Variants in ZNF451 observed in about 807,000 individuals in gnomAD.
ZNF451 encodes the protein E3 SUMO-protein ligase ZNF451.
A neutral mutation model predicts 107.1 loss-of-function variants in ZNF451; 80 were observed. The ratio of observed to expected loss-of-function variants is 0.75; its 90% CI spans 0.62 to 0.90. The LOEUF is 0.90. ZNF451 is among the 40% of genes least tolerant of loss of function. The probability of loss-of-function intolerance (pLI) is 0.00; values close to 1 mark genes in which losing one functional copy is unlikely to be tolerated. For synonymous variants in ZNF451, 362 were observed against 406.5 expected, an observed-to-expected ratio of 0.89 and a Z score of 1.32; for missense variants, 1,107 against 1,236.2, an observed-to-expected ratio of 0.90 and a Z score of 1.57.
At position 57,147,686 on chromosome 6, in the gene ZNF451, G is replaced by A. The variant is rs1255094111; in HGVS notation, c.1601G>A (p.Arg534Gln). 9 of 1,613,964 alleles carry A rather than the reference G, an allele frequency of 5.6e-6. No homozygotes were observed. Among genetic ancestry groups the A allele is most frequent in the Admixed American group, 1.7e-5 (1 of 60,006 alleles). ...TTAAATAACTTTCTTTTCTGGTGTC[G>A]GACATGCAAAAAGGAGTTAACAAGG... ...AHLNNFLFWCRTCKKELTRKD... is the reference protein window; with the variant it reads ...AHLNNFLFWCQTCKKELTRKD... Residue 534 changes from arginine (R) to glutamine (Q), a missense_variant, in exon 10 of 15, where the codon CGG (arginine) becomes CAG (glutamine). Physicochemically the swap from Arg to Gln is conservative, Grantham distance 43. Around this residue, in one of 5 missense-constraint regions of ZNF451, gnomAD observed 608 missense variants for 649.2 expected, o/e 0.94. Coordinates refer to ENST00000370706, the MANE Select transcript of ZNF451 (RefSeq NM_001031623.3).
At chr6:57,092,993 T>TTTA (rs1829122078) in intron 2 of ZNF451, 1 of 152,236 alleles carries the variant, frequency 6.6e-6, no homozygotes, top group African/African-American at 2.4e-5. Flanking sequence ...CATACATCTA[T>TTTA]GTAAACAGCG....
intron 7 of ZNF451, among the ~76,000 whole-genome samples, chr6:57,136,814 T>A (rs113223085): frequency 1.3e-5 from 2 of 152,154 alleles, no homozygotes; most frequent in Admixed American, 1.3e-4. Context: ...CATTAATTTG[T>A]TTTTTCTTTT....
intron 13 of ZNF451, 197 bp downstream of exon 13, chr6:57,154,244 TA>T: frequency 1.6e-6 from 1 of 618,716 alleles, no homozygotes; most frequent in Non-Finnish European, 2.8e-6. Flanking sequence ...GATGAATTCA[TA>T]ATAATTTTCT....
chr6:57,130,489 G>A (rs903608985), intron 5 of ZNF451, among the ~76,000 whole-genome samples: 1 of 152,022 alleles, frequency 6.6e-6, no homozygotes, highest in Non-Finnish European at 1.5e-5. Context: ...TTCTTCTAGG[G>A]CATCTGTACT....
At position 57,104,891 on chromosome 6, in the gene ZNF451, C is replaced by T. The variant is rs957376480; in HGVS notation, c.186+5750C>T. 3.0e-6 allele frequency: 3 copies of T among 985,254 alleles called. No homozygotes were observed. The African/African-American group carries it at 5.2e-5, about 17-fold the overall frequency. 61.0% of individuals were successfully genotyped at this position (985,254 alleles called of 1,614,324 possible). A position where few individuals can be genotyped will look rare whatever the true frequency, so the allele number is the denominator to read the frequency against. On this transcript the variant is annotated intron_variant, in intron 3 of 14. Coordinates refer to ENST00000370706, the MANE Select transcript of ZNF451 (RefSeq NM_001031623.3). ...TTATCAAATTGGTGACCAAGTAGTT[C>T]TGAAAGGATTTGACCGTTTAATAGG...
At chr6:57,098,936 A>T in intron 2 of ZNF451, 125 bp from the exon 3 acceptor site, 1 of 602,862 alleles carries the variant, frequency 1.7e-6, no homozygotes, top group Non-Finnish European at 3.0e-6. Flanking sequence ...ATTTTCTGCT[A>T]CCCACAAAGC....
intron 13 of ZNF451, among the ~76,000 whole-genome samples, chr6:57,156,648 T>G (rs2127985278): frequency 6.6e-6 from 1 of 152,340 alleles, no homozygotes; most frequent in African/African-American, 2.4e-5. Context: ...TGTACTACAT[T>G]GCATACAATT....
chr6:57,148,242 G>C lies in ZNF451; in HGVS notation c.2157G>C (p.Gln719His). The C allele has an allele frequency of 6.2e-7, 1 of 1,613,978 alleles. No homozygotes were observed. The highest frequency in any genetic ancestry group is 8.5e-7 in the Non-Finnish European group (1 of 1,179,968). Residue 719 changes from glutamine to histidine, a missense_variant, in exon 10 of 15, where the codon CAG becomes CAC. By Grantham distance (24) the Gln-to-His change is conservative. Transcript: ENST00000370706. ...TTCCAGTAATAGAGACCAGTAACCAGTTAACTTGTGGTTGCCGTGAGAGTT... is the reference window on the plus strand; with the variant it reads ...TTCCAGTAATAGAGACCAGTAACCACTTAACTTGTGGTTGCCGTGAGAGTT... ...DDFPVIETSNQLTCGCRESYI... is the reference protein window; with the variant it reads ...DDFPVIETSNHLTCGCRESYI...
At chr6:57,099,470 T>C (rs1405741083) in intron 3 of ZNF451, 1 of 716,928 alleles carries the variant, frequency 1.4e-6, no homozygotes, top group Non-Finnish European at 2.6e-6. Flanking sequence ...TCTCCTCAGG[T>C]GCCCTATACA....
intron 3 of ZNF451, chr6:57,100,720 A>G: frequency 6.4e-7 from 1 of 1,550,586 alleles, no homozygotes; most frequent in Non-Finnish European, 8.7e-7. Flanking sequence ...TTGTTCCAGC[A>G]GTCCAGAAAG....
chr6:57,090,367 C>T lies in ZNF451; in HGVS notation c.21+93C>T. 1.9e-6 allele frequency: 3 copies of T among 1,552,954 alleles called. No individual in the cohort carries two copies. The East Asian group carries it at 7.1e-5, about 37-fold the overall frequency. On this transcript the variant is annotated intron_variant, in intron 1 of 14. Coordinates refer to ENST00000370706, the MANE Select transcript of ZNF451 (RefSeq NM_001031623.3). ...TCTGAGGCCTGGTGCTCCGTCGCAG[C>T]CTCGGGGCGATACCTCTTCAGTGTC...
chr6:57,144,116 A>G (rs980819757), intron 9 of ZNF451, among the ~76,000 whole-genome samples: 7 of 152,128 alleles, frequency 4.6e-5, no homozygotes, highest in Middle Eastern at 3.2e-3. Context: ...TCTTTTTGAC[A>G]TAACACAATG....
In ZNF451 at chr6:57,134,739, A is replaced by G. The variant is rs768735871; in HGVS notation, c.576-5A>G. On this transcript the variant is annotated splice_polypyrimidine_tract_variant and splice_region_variant and intron_variant, in intron 6 of 14. Transcript: ENST00000370706. ...ATATTACCTCTTACCTCTTTTGCTG[A>G]GTAGGTTCGATCACTCTCCATGTGA... 13 of 1,610,934 alleles carry G rather than the reference A, an allele frequency of 8.1e-6. No homozygotes were observed. The highest frequency in any genetic ancestry group is 1.1e-5 in the Non-Finnish European group (13 of 1,179,018).
At chr6:57,103,296 A>G (rs1829693549) in intron 3 of ZNF451, 1 of 985,316 alleles carries the variant, frequency 1.0e-6, no homozygotes, top group Non-Finnish European at 1.2e-6. Flanking sequence ...CTGTTTCTGG[A>G]TATCTAAGTG....
chr6:57,148,933 A>C (rs973805368), intron 10 of ZNF451, among the ~76,000 whole-genome samples: 1 of 152,214 alleles, frequency 6.6e-6, no homozygotes, highest in Non-Finnish European at 1.5e-5. Context: ...ATTTTATTTT[A>C]CAAAAGGTGT....
chr6:57,094,592 T>C (rs1224623400), intron 2 of ZNF451, among the ~76,000 whole-genome samples: 1 of 152,218 alleles, frequency 6.6e-6, no homozygotes, highest in East Asian at 1.9e-4. Flanking sequence ...TACGCAGTTA[T>C]AGTTGTTAAA....
chr6:57,134,975 C>A, intron 7 of ZNF451, 105 bp downstream of exon 7: 5 of 884,308 alleles, frequency 5.7e-6, no homozygotes, highest in African/African-American at 1.7e-5. Flanking sequence ...CAGTGATACA[C>A]ATAAGTATCA....
At chr6:57,097,782 G>C (rs1337227378) in intron 2 of ZNF451, among the ~76,000 whole-genome samples, 1 of 152,028 alleles carries the variant, frequency 6.6e-6, no homozygotes, top group Non-Finnish European at 1.5e-5. Flanking sequence ...CTGTCTGCTA[G>C]ATACACCCTG....
chr6:57,127,667 T>TA (rs1830993253), intron 4 of ZNF451, among the ~76,000 whole-genome samples: 1 of 152,198 alleles, frequency 6.6e-6, no homozygotes, highest in South Asian at 2.1e-4. Flanking sequence ...GACATTATTA[T>TA]ATATCCTTGG....
Sources: allele counts gnomAD v4.1 joint callset (sites outside exome capture counted in the v4.1 genomes callset), GRCh38; gene constraint gnomAD v4.1.1; regional missense constraint gnomAD v4.1.1; transcripts MANE v1.5; gene names NCBI Gene and HGNC (gene_info 2026-07-23, HGNC 2026-07-21).